Variants in TJAP1 observed in about 807,000 individuals in gnomAD.
TJAP1 encodes the protein tight junction-associated protein 1.
In TJAP1, 27 loss-of-function variants were observed where a neutral mutation model predicts 42.0. The observed-to-expected ratio is 0.64, with a 90% CI of 0.47 to 0.89. TJAP1 has a LOEUF of 0.89. Ranked by LOEUF, TJAP1 falls within the 40% of genes least tolerant of loss-of-function variation. TJAP1 has a pLI of 0.00. For synonymous variants in TJAP1, 257 were observed against 288.4 expected (o/e 0.89, Z 1.10); for missense variants, 712 against 726.9 (o/e 0.98, Z 0.24).
intron 2 of TJAP1, among the ~76,000 whole-genome samples, chr6:43,485,692 CT>C (rs948299107): frequency 8.5e-5 from 13 of 152,114 alleles, no homozygotes; most frequent in African/African-American, 3.1e-4. Flanking sequence ...TAGGGGCAAG[CT>C]TTTTTACTGA....
intron 2 of TJAP1, chr6:43,489,437 G>C (rs1382275724): frequency 1.3e-5 from 2 of 152,280 alleles, no homozygotes; most frequent in African/African-American, 2.4e-5. Flanking sequence ...TGTGCTTTCC[G>C]ACGCAGCCCT....
intron 5 of TJAP1, 138 bp from the exon 6 acceptor site, chr6:43,501,388 C>G (rs1480438829): frequency 2.6e-6 from 2 of 763,712 alleles, no homozygotes; most frequent in African/African-American, 3.5e-5. Context: ...TAGACTCAGA[C>G]TAAGACTCCA....
rs1788127682 is a variant in TJAP1 at position 43,492,866 on chromosome 6, C to T, written c.-121-5015C>T. ...TGTGTGGCGGGAGTGTAGCTGACCC[C>T]CACTGGGGCACAGCTTCCCACAGGC... On this transcript the variant is annotated intron_variant, in intron 2 of 10. Transcript: ENST00000372449. The surrounding 1 kb of genome is among the most constrained non-coding windows in gnomAD (Gnocchi z 4.2). Among the ~76,000 whole-genome samples, 2 of 152,146 alleles carry T rather than the reference C, an allele frequency of 1.3e-5. No individual in the cohort carries two copies. The highest frequency in any genetic ancestry group is 2.1e-4 in the South Asian group (1 of 4,828).
chr6:43,498,881 C>T, intron 3 of TJAP1, 97 bp from the exon 4 acceptor site: 1 of 1,336,342 alleles, frequency 7.5e-7, no homozygotes, highest in South Asian at 1.4e-5. Context: ...TATGTGGTGG[C>T]CTCAACATAT....
At chr6:43,486,927 G>C (rs1261583025) in intron 2 of TJAP1, among the ~76,000 whole-genome samples, 1 of 152,204 alleles carries the variant, frequency 6.6e-6, no homozygotes, top group Non-Finnish European at 1.5e-5. Flanking sequence ...TTGTCCCTGG[G>C]TGTGAGAATG....
In TJAP1 at chr6:43,502,072, A is replaced by ACT. The variant is rs1319116155; in HGVS notation, c.291-210_291-209insTC. On this transcript the variant is annotated intron_variant, in intron 6 of 10. Transcript: ENST00000372449. The stretch of plus-strand genomic sequence containing the variant: ...GACACACACACACACACACACACAC[A>ACT]CACACTCTCTCTCTCTCTCTCTCTC... 5.1e-4 allele frequency among the ~76,000 whole-genome samples: 60 copies of ACT among 117,218 alleles called. 4 individuals are homozygous for ACT. The highest frequency in any genetic ancestry group is 8.7e-4 in the African/African-American group (19 of 21,754). 76.9% of individuals were successfully genotyped at this position (117,218 alleles called of 152,430 possible). A position where few individuals can be genotyped will look rare whatever the true frequency, so the allele number is the denominator to read the frequency against.
chr6:43,480,143 A>T (rs1487972425), intron 2 of TJAP1, among the ~76,000 whole-genome samples: 1 of 152,206 alleles, frequency 6.6e-6, no homozygotes, highest in Non-Finnish European at 1.5e-5. Flanking sequence ...TAGTTAATAC[A>T]TTAATATGCT....
intron 2 of TJAP1, among the ~76,000 whole-genome samples, chr6:43,493,068 G>T (rs1344557616): frequency 1.3e-5 from 2 of 152,180 alleles, no homozygotes; most frequent in East Asian, 3.8e-4. Flanking sequence ...GGGAATTAAG[G>T]TGGCATACAA....
chr6:43,506,137 A>C, exon 11 of TJAP1: 2 of 317,244 alleles, frequency 6.3e-6, no homozygotes, highest in Admixed American at 4.8e-5. Context: ...AATCAGCCCA[A>C]CCCAGCCCAG....
In TJAP1 at chr6:43,502,076, A is replaced by ACACACACACACACTCT. The variant is rs767085594; in HGVS notation, c.291-206_291-205insACACACACACACTCTC. Among the ~76,000 whole-genome samples the ACACACACACACACTCT allele has an allele frequency of 5.7e-4, 39 of 68,956 alleles. 3 individuals carry two copies. The highest frequency in any genetic ancestry group is 8.2e-3 in the Middle Eastern group (1 of 122). 45.2% of individuals were successfully genotyped at this position (68,956 alleles called of 152,430 possible). A position where few individuals can be genotyped will look rare whatever the true frequency, so the allele number is the denominator to read the frequency against. ...CACACACACACACACACACACACAC[A>ACACACACACACACTCT]CTCTCTCTCTCTCTCTCTCTCTCTC... On this transcript the variant is annotated intron_variant, in intron 6 of 10. Coordinates refer to ENST00000372449, the Ensembl canonical transcript of TJAP1.
intron 2 of TJAP1, among the ~76,000 whole-genome samples, chr6:43,479,884 C>T (rs111915463): frequency 5.9e-5 from 9 of 152,082 alleles, no homozygotes; most frequent in African/African-American, 2.2e-4. Flanking sequence ...GCAGGAGAAT[C>T]GCTTGAACCT....
At chr6:43,496,770 C>T (rs1789267098) in intron 2 of TJAP1, among the ~76,000 whole-genome samples, 1 of 152,194 alleles carries the variant, frequency 6.6e-6, no homozygotes, top group Non-Finnish European at 1.5e-5. Flanking sequence ...TTGATGGGGG[C>T]GGGAAGAGAT....
intron 9 of TJAP1, 34 bp downstream of exon 9, chr6:43,503,542 C>T (rs1791459658): frequency 1.2e-6 from 2 of 1,611,042 alleles, no homozygotes; most frequent in East Asian, 4.5e-5. Flanking sequence ...CCTTCCTCAC[C>T]TGGGGCTAGC....
At chr6:43,489,000 G>T (rs915573026) in intron 2 of TJAP1, among the ~76,000 whole-genome samples, 1 of 152,188 alleles carries the variant, frequency 6.6e-6, no homozygotes, top group Non-Finnish European at 1.5e-5. Context: ...CAGAGAGCCT[G>T]CAGGGCTTCC....
intron 1 of TJAP1, among the ~76,000 whole-genome samples, chr6:43,477,834 G>T (rs550052326): frequency 3.0e-4 from 46 of 152,250 alleles, no homozygotes; most frequent in African/African-American, 9.9e-4. Context: ...TAGGGGAGGG[G>T]GATTTGGGGG....
At chr6:43,483,121 C>T (rs1294059002) in intron 2 of TJAP1, among the ~76,000 whole-genome samples, 1 of 145,702 alleles carries the variant, frequency 6.9e-6, no homozygotes, top group Non-Finnish European at 1.5e-5. Flanking sequence ...GACTCCATCT[C>T]AATAAAAAAA....
rs1228730201 is a variant in TJAP1 at position 43,492,228 on chromosome 6, G to A, written c.-121-5653G>A. Among the ~76,000 whole-genome samples the A allele has an allele frequency of 6.6e-6, 1 of 152,152 alleles. No homozygotes were observed. The highest frequency in any genetic ancestry group is 1.5e-5 in the Non-Finnish European group (1 of 68,028). On this transcript the variant is annotated intron_variant, in intron 2 of 10. Coordinates refer to ENST00000372449, the Ensembl canonical transcript of TJAP1. The surrounding 1 kb of genome is among the most constrained non-coding windows in gnomAD (Gnocchi z 4.2). ...TCTGAGTCCTCAGGATTGCTTTGGG[G>A]CAGAATAATTCCCACTCTTTTTGGC...
intron 6 of TJAP1, among the ~76,000 whole-genome samples, chr6:43,502,076 A>ACACACACACACACACACACTCTCT (rs767085594): frequency 4.4e-5 from 3 of 68,956 alleles, no homozygotes; most frequent in African/African-American, 2.3e-4. Context: ...ACACACACAC[A>ACACACACACACACACACACTCTCT]CTCTCTCTCT....
intron 2 of TJAP1, among the ~76,000 whole-genome samples, chr6:43,483,121 C>CAATAA (rs1785653855): frequency 6.9e-6 from 1 of 145,702 alleles, no homozygotes; most frequent in Non-Finnish European, 1.5e-5. Flanking sequence ...GACTCCATCT[C>CAATAA]AATAAAAAAA....
Sources: gnomAD v4.1 joint callset for allele counts (sites outside exome capture counted in the v4.1 genomes callset) on GRCh38, gnomAD v4.1.1 for gene constraint, Gnocchi (gnomAD v3.1) non-coding constraint, MANE v1.5 for transcripts, NCBI Gene and HGNC (gene_info 2026-07-23, HGNC 2026-07-21) for gene names.